CDCA2: variants seen among roughly 807,000 people sequenced by gnomAD.
The protein encoded by CDCA2 is cell division cycle-associated protein 2.
CDCA2 carries 44 observed loss-of-function variants against 67.0 expected under a neutral mutation model. The observed-to-expected ratio is 0.66, with a 90% CI of 0.52 to 0.84. The LOEUF (loss-of-function observed/expected upper bound fraction) is 0.84, where lower values mean the gene tolerates loss of function less well. CDCA2 is among the 40% of genes least tolerant of loss of function. The pLI is 0.00. For synonymous variants in CDCA2, 447 were observed against 418.7 expected (o/e 1.07, Z -0.82); for missense variants, 1,253 against 1,203.2 (o/e 1.04, Z -0.61).
rs548580352 is a variant in CDCA2, at chr8:25,496,136, C to T, written c.1672-7237C>T. Among the ~76,000 whole-genome samples the T allele has an allele frequency of 1.6e-4, 24 of 152,060 alleles. 1 individual carries two copies. The highest frequency in any genetic ancestry group is 5.3e-4 in the African/African-American group (22 of 41,490). On this transcript the variant is annotated intron_variant, in intron 13 of 14. Coordinates refer to ENST00000330560, the MANE Select transcript of CDCA2 (RefSeq NM_152562.4). The stretch of plus-strand genomic sequence containing the variant: ...GCCTGGTTGGGTCTGTACCAGAGTA[C>T]AAGGAAGGATGCTAAAAAAAACTAC...
chr8:25,487,189 A>G, intron 11 of CDCA2, 57 bp from the exon 12 acceptor site: 1 of 999,206 alleles, frequency 1.0e-6, no homozygotes, highest in Non-Finnish European at 1.6e-6. Flanking sequence ...CCAAAGGAAG[A>G]TGTATGTTAT....
At chr8:25,460,930 T>A (rs1159832391) in intron 3 of CDCA2, among the ~76,000 whole-genome samples, 1 of 152,012 alleles carries the variant, frequency 6.6e-6, no homozygotes, top group Non-Finnish European at 1.5e-5. Context: ...TAAGAGCAAT[T>A]AAGAAAATAT....
At chr8:25,492,144 C>A (rs978014214) in intron 13 of CDCA2, among the ~76,000 whole-genome samples, 9 of 150,390 alleles carry the variant, frequency 6.0e-5, no homozygotes, top group African/African-American at 2.2e-4. Flanking sequence ...TGGGGGGTCT[C>A]ACCTTGTTGC....
At chr8:25,487,206 TG>T (rs1414397678) in intron 11 of CDCA2, 39 bp from the exon 12 acceptor site, 3 of 1,263,142 alleles carry the variant, frequency 2.4e-6, no homozygotes, top group Middle Eastern at 2.0e-4. Flanking sequence ...TTATAGTTTT[TG>T]GTTTCCTACC....
At chr8:25,461,333 T>C (rs1802680498) in intron 3 of CDCA2, among the ~76,000 whole-genome samples, 1 of 144,814 alleles carries the variant, frequency 6.9e-6, no homozygotes, top group Admixed American at 6.9e-5. Flanking sequence ...CTTCGAGCAG[T>C]AGAAATGAAG....
chr8:25,486,771 C>T (rs1164899959), intron 11 of CDCA2, among the ~76,000 whole-genome samples: 1 of 151,958 alleles, frequency 6.6e-6, no homozygotes, highest in Non-Finnish European at 1.5e-5. Context: ...GCTGAGATTG[C>T]ACCACTGCAC....
At position 25,460,294 on chromosome 8, in the gene CDCA2, A is replaced by C; in HGVS notation, c.55A>C (p.Asn19His). The C allele has an allele frequency of 6.2e-7, 1 of 1,614,186 alleles. No individual in the cohort carries two copies. Among genetic ancestry groups the C allele is most frequent in the South Asian group, 1.1e-5 (1 of 91,084 alleles). The change falls in exon 2 of 15, where the codon AAT (asparagine) becomes CAT (histidine). Residue 19 changes from asparagine to histidine, a missense_variant. By Grantham distance (68) the Asn-to-His change is moderately conservative (BLOSUM62 1). Coordinates refer to ENST00000330560, the MANE Select transcript of CDCA2 (RefSeq NM_152562.4). ...TGAAACCAAGGAGTCTGCAATGAAT[A>C]ATGCTGGTATGTGATGATCTGCCTC... Reference protein sequence around the residue: ...PPETKESAMNNAGNASFILGT... With the variant: ...PPETKESAMNHAGNASFILGT...
Position 25,506,703 on chromosome 8 carries a change from T to C in CDCA2, c.2037T>C (p.Asn679=). 6.2e-7 allele frequency: 1 copy of C among 1,611,136 alleles called. No homozygotes were observed. Among genetic ancestry groups the C allele is most frequent in the Non-Finnish European group, 8.5e-7 (1 of 1,179,178 alleles). ...ATGCTACTTCTGATGAAGATCCAAA[T>C]ACAAATATAATGAACATTAATGAAA... is the stretch of plus-strand genomic sequence containing the variant. ...LGNATSDEDP[N]TNIMNINENK... is the part of the protein sequence containing the mutation. The change falls in exon 15 of 15, where the codon AAT becomes AAC. Residue 679 remains asparagine, a synonymous_variant. Coordinates refer to ENST00000330560, the MANE Select transcript of CDCA2 (RefSeq NM_152562.4).
chr8:25,495,681 A>G (rs1489360837), intron 13 of CDCA2, among the ~76,000 whole-genome samples: 1 of 152,122 alleles, frequency 6.6e-6, no homozygotes, highest in East Asian at 1.9e-4. Flanking sequence ...CGGCCTCCCA[A>G]AGTGCTGGGA....
chr8:25,459,170 TA>T (rs1374822147), upstream of CDCA2: 2 of 150,704 alleles, frequency 1.3e-5, no homozygotes, highest in East Asian at 4.0e-4. Context: ...ATTCGTAGAG[TA>T]AATTCGGTAC....
intron 3 of CDCA2, among the ~76,000 whole-genome samples, 172 bp from the exon 4 acceptor site, chr8:25,461,882 A>G (rs1351857239): frequency 1.3e-5 from 2 of 152,222 alleles, no homozygotes; most frequent in Non-Finnish European, 2.9e-5. Context: ...AGACAAAAAG[A>G]TTCCTCTTCC....
At chr8:25,484,589 AT>A (rs35499692) in intron 10 of CDCA2, among the ~76,000 whole-genome samples, 43,803 of 130,708 alleles carry the variant, frequency 0.34, 6,978 homozygotes, top group African/African-American at 0.45. Flanking sequence ...GGTATAGATG[AT>A]TTTTTTTTTT....
chr8:25,470,670 A>G (rs1168025431), intron 7 of CDCA2, among the ~76,000 whole-genome samples: 1 of 152,140 alleles, frequency 6.6e-6, no homozygotes, highest in Non-Finnish European at 1.5e-5. Context: ...CTTTCCAGCC[A>G]TGGCTTTTAT....
intron 10 of CDCA2, among the ~76,000 whole-genome samples, chr8:25,485,188 T>G (rs1172091283): frequency 1.1e-5 from 1 of 94,832 alleles, no homozygotes; most frequent in Non-Finnish European, 2.6e-5. Context: ...AGTATAATAA[T>G]AATAATAATA....
intron 9 of CDCA2, 85 bp downstream of exon 9, chr8:25,483,571 A>T (rs1472307277): frequency 3.3e-6 from 3 of 915,654 alleles, no homozygotes; most frequent in Non-Finnish European, 5.1e-6. Context: ...ATTTTCAATG[A>T]TCTATAATGC....
chr8:25,479,842 TA>T (rs1358026597), intron 7 of CDCA2, 70 bp from the exon 8 acceptor site: 9 of 1,392,428 alleles, frequency 6.5e-6, no homozygotes, highest in Non-Finnish European at 9.1e-6. Flanking sequence ...TTGCAAATAC[TA>T]TATTTTTGGT....
chr8:25,472,765 A>G (rs997905290), intron 7 of CDCA2, among the ~76,000 whole-genome samples: 1 of 152,226 alleles, frequency 6.6e-6, no homozygotes, highest in African/African-American at 2.4e-5. Flanking sequence ...ATGGGGAACA[A>G]TATGATATTT....
At chr8:25,459,803 A>C (rs1267531804) in intron 1 of CDCA2, among the ~76,000 whole-genome samples, 4 of 152,134 alleles carry the variant, frequency 2.6e-5, no homozygotes. Flanking sequence ...AATGGTTAGC[A>C]CAGGGTGGGA....
At chr8:25,486,426 A>G (rs939206602) in intron 11 of CDCA2, among the ~76,000 whole-genome samples, 2 of 152,190 alleles carry the variant, frequency 1.3e-5, no homozygotes, top group African/African-American at 4.8e-5. Context: ...ATGTGTTACT[A>G]AGTTAGAGCT....
Sources: gnomAD v4.1 joint callset for allele counts (sites outside exome capture counted in the v4.1 genomes callset) on GRCh38, gnomAD v4.1.1 for gene constraint, MANE v1.5 for transcripts, NCBI Gene and HGNC (gene_info 2026-07-23, HGNC 2026-07-21) for gene names.